Variants in METTL15 observed in about 807,000 individuals in gnomAD.
METTL15 encodes 12S rRNA N(4)-cytidine methyltransferase METTL15.
In METTL15, 34 loss-of-function variants were observed where a neutral mutation model predicts 38.3. That is an observed-to-expected ratio of 0.89 (90% confidence interval 0.68 to 1.18). The LOEUF is 1.18. METTL15 is among the 50% of genes most tolerant of loss of function. The pLI is 0.00. For missense variants in METTL15, 438 were observed against 498.4 expected, an observed-to-expected ratio of 0.88 and a Z score of 1.15; for synonymous variants, 162 against 170.9, an observed-to-expected ratio of 0.95 and a Z score of 0.41.
chr11:28,527,717 A>T (rs1305308741), downstream of METTL15, among the ~76,000 whole-genome samples: 1 of 152,228 alleles, frequency 6.6e-6, no homozygotes. Context: ...TGATAATTGA[A>T]CGAAGATCTG....
chr11:28,307,356 A>G (rs1239368395), intron 6 of METTL15, among the ~76,000 whole-genome samples: 1 of 151,928 alleles, frequency 6.6e-6, no homozygotes, highest in Non-Finnish European at 1.5e-5. Flanking sequence ...TTGATATATT[A>G]TGTCTTAAAA....
At chr11:28,515,607 TG>T (rs1171338838) in intron 6 of METTL15, among the ~76,000 whole-genome samples, 3 of 152,252 alleles carry the variant, frequency 2.0e-5, no homozygotes. Flanking sequence ...TGTATTGCCA[TG>T]CCTACTTTGC....
intron 5 of METTL15, among the ~76,000 whole-genome samples, chr11:28,405,791 G>C (rs979416434): frequency 5.9e-5 from 9 of 152,128 alleles, no homozygotes; most frequent in African/African-American, 2.2e-4. Flanking sequence ...CATTTCAAAT[G>C]ATTGTTGGAA....
At chr11:28,120,623 A>G (rs1290666494) in intron 3 of METTL15, among the ~76,000 whole-genome samples, 8 of 151,998 alleles carry the variant, frequency 5.3e-5, no homozygotes, top group Non-Finnish European at 8.8e-5. Context: ...GTCTCTGCCT[A>G]TTTCTTCAAC....
chr11:28,264,090 C>T (rs1048570537), intron 4 of METTL15, among the ~76,000 whole-genome samples: 4 of 152,100 alleles, frequency 2.6e-5, no homozygotes, highest in African/African-American at 9.6e-5. Flanking sequence ...TGTCACACAG[C>T]TTGTTGATTC....
Position 28,196,075 on chromosome 11 carries a change from C to T in METTL15, c.271-14987C>T, listed in dbSNP as rs747791440. Among the ~76,000 whole-genome samples the T allele has an allele frequency of 6.6e-5, 10 of 152,136 alleles. No individual in the cohort carries two copies. The East Asian group carries it at 1.5e-3, about 24-fold the overall frequency. ...AGTGGTCTGTGTTTCTACTTTTACA[C>T]CAATATCATGCTGTTTTGGTTACTA... On this transcript the variant is annotated intron_variant, in intron 3 of 6. Transcript: ENST00000407364.
chr11:28,246,746 A>G (rs1043037707), intron 4 of METTL15, among the ~76,000 whole-genome samples: 3 of 152,124 alleles, frequency 2.0e-5, no homozygotes, highest in Non-Finnish European at 4.4e-5. Context: ...CTACTAAGGT[A>G]TATTAGTGAT....
chr11:28,277,621 C>G (rs1855893364), intron 4 of METTL15, among the ~76,000 whole-genome samples: 1 of 151,906 alleles, frequency 6.6e-6, no homozygotes, highest in Non-Finnish European at 1.5e-5. Context: ...TTGCTTGAGC[C>G]TGGGAGATGG....
chr11:28,521,469 A>G (rs1239483381), intron 6 of METTL15, among the ~76,000 whole-genome samples: 1 of 152,206 alleles, frequency 6.6e-6, no homozygotes, highest in African/African-American at 2.4e-5. Flanking sequence ...ATTAGAGAAG[A>G]CAGACTGTTG....
At chr11:28,277,678 A>G (rs538480257) in intron 4 of METTL15, among the ~76,000 whole-genome samples, 2 of 152,258 alleles carry the variant, frequency 1.3e-5, no homozygotes, top group East Asian at 1.9e-4. Context: ...TGACAGAGCA[A>G]GACTCGGTTT....
chr11:28,113,144 C>T (rs1252978198), intron 2 of METTL15, among the ~76,000 whole-genome samples, 174 bp from the exon 3 acceptor site: 1 of 151,674 alleles, frequency 6.6e-6, no homozygotes, highest in Non-Finnish European at 1.5e-5. Flanking sequence ...TCTTAGGTTC[C>T]TTGCTTTGTA....
At chr11:28,383,772 G>A (rs1424881687) in intron 5 of METTL15, among the ~76,000 whole-genome samples, 1 of 152,012 alleles carries the variant, frequency 6.6e-6, no homozygotes, top group Non-Finnish European at 1.5e-5. Context: ...CTTTTCAAAA[G>A]TGTCTATTAG....
intron 4 of METTL15, among the ~76,000 whole-genome samples, chr11:28,226,828 G>A (rs748346347): frequency 6.6e-6 from 1 of 151,874 alleles, no homozygotes; most frequent in Non-Finnish European, 1.5e-5. Flanking sequence ...TTAGATATGA[G>A]ACACAGTTGT....
intron 6 of METTL15, among the ~76,000 whole-genome samples, chr11:28,316,357 C>T (rs907921181): frequency 2.9e-4 from 44 of 152,242 alleles, no homozygotes; most frequent in African/African-American, 9.9e-4. Context: ...GCCTGTAGCC[C>T]GTTTGTTTAG....
At chr11:28,357,549 T>C (rs1278655681) in intron 4 of METTL15, among the ~76,000 whole-genome samples, 3 of 152,196 alleles carry the variant, frequency 2.0e-5, no homozygotes, top group African/African-American at 7.2e-5. Context: ...TCTTTGTACC[T>C]TCATTGTTTT....
At chr11:28,216,204 G>C (rs1387916130) in intron 4 of METTL15, among the ~76,000 whole-genome samples, 1 of 151,952 alleles carries the variant, frequency 6.6e-6, no homozygotes, top group African/African-American at 2.4e-5. Flanking sequence ...TAAAAAGTAA[G>C]AGGAAACCTG....
intron 4 of METTL15, among the ~76,000 whole-genome samples, chr11:28,277,930 G>C (rs945449244): frequency 6.6e-6 from 1 of 151,966 alleles, no homozygotes; most frequent in Admixed American, 6.6e-5. Flanking sequence ...GAAGAGAAGT[G>C]GGTTAAACGG....
chr11:28,178,812 G>T (rs1851173632), intron 3 of METTL15, among the ~76,000 whole-genome samples: 1 of 151,724 alleles, frequency 6.6e-6, no homozygotes, highest in African/African-American at 2.4e-5. Context: ...AAAGATTTAT[G>T]TGTAAATATT....
Position 28,381,194 on chromosome 11 carries a change from T to A in METTL15, c.*358+19158T>A, listed in dbSNP as rs552385244. ...TTTTTATTTTTGTACGGATGGGGTC[T>A]TGTTATGCTGGCCAGGTTGGTCTTG... On this transcript the variant is annotated intron_variant and NMD_transcript_variant, in intron 5 of 7. Coordinates refer to the METTL15 transcript ENST00000532947. Among the ~76,000 whole-genome samples the A allele has an allele frequency of 4.6e-5, 7 of 152,250 alleles. 1 individual carries two copies. The South Asian group carries it at 1.2e-3, about 27-fold the overall frequency.
Sources: allele counts gnomAD v4.1 joint callset (sites outside exome capture counted in the v4.1 genomes callset), GRCh38; gene constraint gnomAD v4.1.1; transcripts MANE v1.5; gene names NCBI Gene and HGNC (gene_info 2026-07-23, HGNC 2026-07-21).